Variants in GABRB2 observed in about 807,000 individuals in gnomAD.
GABRB2 encodes gamma-aminobutyric acid type A receptor subunit beta2.
A neutral mutation model predicts 54.7 loss-of-function variants in GABRB2; 16 were observed. The ratio of observed to expected loss-of-function variants is 0.29; its 90% CI spans 0.20 to 0.44. GABRB2 has a LOEUF of 0.44. Among genes scored for constraint, GABRB2 ranks in the 20% least tolerant of loss-of-function variants. The pLI is 1.00. For missense variants in GABRB2, 355 were observed against 644.0 expected, an observed-to-expected ratio of 0.55 and a Z score of 4.86; for synonymous variants, 244 against 233.8, an observed-to-expected ratio of 1.04 and a Z score of -0.40.
chr5:161,452,031 CTT>C (rs1757803226), intron 4 of GABRB2, among the ~76,000 whole-genome samples: 2 of 152,156 alleles, frequency 1.3e-5, no homozygotes, highest in African/African-American at 4.8e-5. Flanking sequence ...ATATTAATGA[CTT>C]GGTATAAATA....
intron 4 of GABRB2, among the ~76,000 whole-genome samples, chr5:161,443,687 G>GT (rs1283004759): frequency 1.3e-5 from 2 of 152,228 alleles, no homozygotes; most frequent in East Asian, 1.9e-4. Context: ...GTTCTCCTCT[G>GT]TTTTTTCAGT....
chr5:161,351,340 T>C (rs1048737255), intron 5 of GABRB2, among the ~76,000 whole-genome samples: 1 of 151,966 alleles, frequency 6.6e-6, no homozygotes, highest in African/African-American at 2.4e-5. Context: ...GGTACTGGCA[T>C]AAAAACAAAC....
At chr5:161,332,914 C>G (rs1432288973) in intron 7 of GABRB2, among the ~76,000 whole-genome samples, 18 of 152,016 alleles carry the variant, frequency 1.2e-4, no homozygotes, top group Admixed American at 1.2e-3. Flanking sequence ...GCTTTAGATA[C>G]AGGTATCTTA....
In GABRB2 at chr5:161,291,375, C is replaced by G. The variant is rs1757233553; in HGVS notation, c.*2706G>C. Reference sequence around the variant, plus strand: ...CTGGCTATCAAGCTGACTGGTCTTCCTAGACTTATCAGGTCTAGCACCCCT... The same window carrying G: ...CTGGCTATCAAGCTGACTGGTCTTCGTAGACTTATCAGGTCTAGCACCCCT... On this transcript the variant is annotated 3_prime_UTR_variant, in exon 10 of 10. Transcript: ENST00000393959. 6.6e-6 allele frequency: 1 copy of G among 152,110 alleles called. No individual in the cohort carries two copies. The highest frequency in any genetic ancestry group is 2.1e-4 in the South Asian group (1 of 4,828). 9.4% of individuals were successfully genotyped at this position (152,110 alleles called of 1,614,324 possible).
intron 4 of GABRB2, among the ~76,000 whole-genome samples, chr5:161,446,969 T>TG (rs1239417021): frequency 6.8e-6 from 1 of 147,290 alleles, no homozygotes; most frequent in Non-Finnish European, 1.5e-5. Context: ...CATTTTCTCT[T>TG]GCCAAAAAAA....
intron 9 of GABRB2, among the ~76,000 whole-genome samples, chr5:161,323,029 T>TA (rs944649140): frequency 6.8e-6 from 1 of 147,830 alleles, no homozygotes; most frequent in African/African-American, 2.5e-5. Flanking sequence ...GAAATATACT[T>TA]TTTTTTTTTT....
chr5:161,318,486 C>A (rs1336571095), intron 9 of GABRB2, among the ~76,000 whole-genome samples: 3 of 151,926 alleles, frequency 2.0e-5, no homozygotes, highest in African/African-American at 4.8e-5. Context: ...TCACAGATTT[C>A]CAATGATATG....
At chr5:161,463,556 T>TAGATATATATATAG (rs1491382248) in intron 3 of GABRB2, among the ~76,000 whole-genome samples, 4,240 of 40,892 alleles carry the variant, frequency 0.1, 225 homozygotes, top group Non-Finnish European at 0.17. Flanking sequence ...TATTTTTATT[T>TAGATATATATATAG]ATATATATAT....
At chr5:161,525,379 A>G (rs1760246930) in intron 3 of GABRB2, among the ~76,000 whole-genome samples, 1 of 151,404 alleles carries the variant, frequency 6.6e-6, no homozygotes. Flanking sequence ...TTTAGATTGG[A>G]AAATAAATAT....
At chr5:161,476,930 G>T (rs1758607920) in intron 3 of GABRB2, among the ~76,000 whole-genome samples, 1 of 151,832 alleles carries the variant, frequency 6.6e-6, no homozygotes, top group African/African-American at 2.4e-5. Flanking sequence ...TAGACAATGG[G>T]ATTACATCAA....
chr5:161,521,387 A>G (rs2113431103), intron 3 of GABRB2, among the ~76,000 whole-genome samples: 1 of 151,976 alleles, frequency 6.6e-6, no homozygotes, highest in East Asian at 1.9e-4. Context: ...TTGAAATTCT[A>G]TTTACGAACC....
At chr5:161,483,903 T>C (rs1303321733) in intron 3 of GABRB2, among the ~76,000 whole-genome samples, 3 of 151,880 alleles carry the variant, frequency 2.0e-5, no homozygotes, top group African/African-American at 7.2e-5. Flanking sequence ...CAAAAATCTC[T>C]ACCTGGCAAG....
chr5:161,438,502 A>G lies in GABRB2; in HGVS notation c.458+21122T>C, dbSNP rs527295994. 1.2e-4 allele frequency among the ~76,000 whole-genome samples: 18 copies of G among 152,246 alleles called. No individual in the cohort carries two copies. The South Asian group carries it at 2.5e-3, about 21-fold the overall frequency. On this transcript the variant is annotated intron_variant, in intron 4 of 9. Coordinates refer to ENST00000393959, the MANE Select transcript of GABRB2 (RefSeq NM_001371727.1). ...AATGTCCACATGCCAAAGAACATCTATTGGCATGAACACCATCCAGGAAAA... is the reference window on the plus strand; with the variant it reads ...AATGTCCACATGCCAAAGAACATCTGTTGGCATGAACACCATCCAGGAAAA...
chr5:161,295,476 T>TG (rs1757357122), intron 9 of GABRB2, among the ~76,000 whole-genome samples: 2 of 152,306 alleles, frequency 1.3e-5, no homozygotes, highest in South Asian at 4.1e-4. Context: ...ATATTTATTT[T>TG]GGTAGATAAT....
At chr5:161,411,131 C>T in intron 4 of GABRB2, 74 bp from the exon 5 acceptor site, 1 of 1,118,180 alleles carries the variant, frequency 8.9e-7, no homozygotes, top group Admixed American at 1.8e-5. Context: ...ATCTAAGTAT[C>T]AAAGAAGAGA....
chr5:161,409,878 A>G (rs1010105559), intron 5 of GABRB2, among the ~76,000 whole-genome samples: 2 of 152,196 alleles, frequency 1.3e-5, no homozygotes, highest in African/African-American at 4.8e-5. Flanking sequence ...AGGCAAAAAC[A>G]TAATTTGAAA....
intron 8 of GABRB2, 36 bp downstream of exon 8, chr5:161,330,847 T>C (rs1257719291): frequency 1.2e-6 from 2 of 1,613,640 alleles, no homozygotes; most frequent in Non-Finnish European, 1.7e-6. Context: ...CTTCCATGAG[T>C]TTAAGAAGCA....
intron 9 of GABRB2, among the ~76,000 whole-genome samples, 169 bp downstream of exon 9, chr5:161,326,199 G>C (rs1028237726): frequency 2.0e-5 from 3 of 152,068 alleles, no homozygotes; most frequent in African/African-American, 7.2e-5. Flanking sequence ...AGCAAACCTA[G>C]GAAAGTCCCA....
chr5:161,392,654 A>G (rs556054102), intron 5 of GABRB2, among the ~76,000 whole-genome samples: 6 of 152,312 alleles, frequency 3.9e-5, no homozygotes, highest in African/African-American at 1.4e-4. Context: ...ATAGTACTTT[A>G]CAGGATTAAA....
Sources: allele counts gnomAD v4.1 joint callset (sites outside exome capture counted in the v4.1 genomes callset), GRCh38; gene constraint gnomAD v4.1.1; transcripts MANE v1.5; gene names NCBI Gene and HGNC (gene_info 2026-07-23, HGNC 2026-07-21).